The following RNF17 variants were observed in gnomAD, a reference collection of about 807,000 sequenced individuals.
RNF17 encodes spermatogenesis associated 23.
Under a neutral mutation model 200.5 loss-of-function variants are expected in RNF17, and 31 were observed. The observed-to-expected ratio is 0.15, with a 90% confidence interval of 0.12 to 0.21. RNF17 has a LOEUF of 0.21. Among genes scored for constraint, RNF17 ranks in the 10% least tolerant of loss-of-function variants. RNF17 has a pLI of 1.00. For synonymous variants in RNF17, 606 were observed against 637.8 expected (o/e 0.95, Z 0.75); for missense variants, 1,628 against 1,905.1 (o/e 0.85, Z 2.71).
intron 11 of RNF17, among the ~76,000 whole-genome samples, chr13:24,798,943 T>C (rs1884927637): frequency 1.3e-5 from 2 of 152,190 alleles, no homozygotes; most frequent in Non-Finnish European, 2.9e-5. Context: ...CACTCCCCTT[T>C]ACAAAGAGAA....
chr13:24,794,033 C>T (rs886681159), intron 10 of RNF17: 1 of 333,770 alleles, frequency 3.0e-6, no homozygotes, highest in Non-Finnish European at 5.8e-6. Context: ...TAACTTTATT[C>T]ATTGATACAA....
intron 16 of RNF17, among the ~76,000 whole-genome samples, chr13:24,827,227 C>T (rs1349630671): frequency 2.6e-5 from 4 of 151,936 alleles, no homozygotes; most frequent in South Asian, 4.2e-4. Context: ...GCCACTGTGC[C>T]GGGCAATTTT....
chr13:24,868,936 T>C (rs1893964706), intron 31 of RNF17, among the ~76,000 whole-genome samples: 1 of 152,236 alleles, frequency 6.6e-6, no homozygotes, highest in Non-Finnish European at 1.5e-5. Context: ...GTTGTGCTGC[T>C]TTATTCAATG....
chr13:24,800,196 A>G (rs969776261), intron 12 of RNF17, among the ~76,000 whole-genome samples, 170 bp from the exon 13 acceptor site: 13 of 152,096 alleles, frequency 8.5e-5, no homozygotes, highest in South Asian at 4.1e-4. Flanking sequence ...GTCTCTGCTT[A>G]TAAAAGCTAA....
chr13:24,835,265 T>C (rs1389461747), intron 18 of RNF17, among the ~76,000 whole-genome samples: 1 of 151,882 alleles, frequency 6.6e-6, no homozygotes, highest in Non-Finnish European at 1.5e-5. Flanking sequence ...AGAAAGGGCA[T>C]ATTATCTTGT....
At chr13:24,856,574 A>T (rs1892529828) in intron 25 of RNF17, among the ~76,000 whole-genome samples, 1 of 151,926 alleles carries the variant, frequency 6.6e-6, no homozygotes, top group Non-Finnish European at 1.5e-5. Flanking sequence ...AAGAGATCCA[A>T]TTTTTTTTAT....
downstream of RNF17, chr13:24,884,275 T>C (rs376935560): frequency 1.9e-6 from 3 of 1,613,986 alleles, no homozygotes; most frequent in African/African-American, 4.0e-5. Context: ...GTCTGCCTTT[T>C]CTCCAGAGAT....
chr13:24,753,549 T>C, the RNF17 span, among the ~76,000 whole-genome samples: 37 of 152,144 alleles, frequency 2.4e-4, no homozygotes, highest in Admixed American at 6.5e-4. Context: ...GGCAAGGAGT[T>C]GAGGAAGAGA....
intron 11 of RNF17, among the ~76,000 whole-genome samples, chr13:24,797,496 ATC>A (rs1199841893): frequency 6.6e-6 from 1 of 152,168 alleles, no homozygotes; most frequent in African/African-American, 2.4e-5. Context: ...AAATAACATT[ATC>A]TCATTATAAT....
intron 17 of RNF17, among the ~76,000 whole-genome samples, chr13:24,830,886 T>C (rs1889312425): frequency 6.6e-6 from 1 of 152,240 alleles, no homozygotes; most frequent in African/African-American, 2.4e-5. Flanking sequence ...ACGTTCATGA[T>C]ATATCAAGTT....
chr13:24,779,973 T>A (rs1882126643), intron 5 of RNF17, among the ~76,000 whole-genome samples: 2 of 152,230 alleles, frequency 1.3e-5, no homozygotes, highest in South Asian at 4.1e-4. Flanking sequence ...GAACCATGAC[T>A]TCTCCTTGCT....
intron 34 of RNF17, 94 bp from the exon 35 acceptor site, chr13:24,879,093 C>A: frequency 2.3e-6 from 2 of 854,278 alleles, no homozygotes; most frequent in South Asian, 1.5e-5. Context: ...CCCCTGAGAA[C>A]ACCTTTTCAC....
At chr13:24,873,316 G>T (rs747808348) in intron 32 of RNF17, among the ~76,000 whole-genome samples, 11 of 152,100 alleles carry the variant, frequency 7.2e-5, no homozygotes, top group Non-Finnish European at 1.3e-4. Flanking sequence ...GTGAACAAAG[G>T]CTTATAAAAT....
chr13:24,842,267 C>A, intron 19 of RNF17, 106 bp downstream of exon 19: 1 of 949,254 alleles, frequency 1.1e-6, no homozygotes, highest in Non-Finnish European at 1.5e-6. Context: ...TGAGCTTAGA[C>A]TGTAGACCTG....
chr13:24,864,354 A>G (rs1479669887), intron 28 of RNF17, among the ~76,000 whole-genome samples: 1 of 152,208 alleles, frequency 6.6e-6, no homozygotes, highest in East Asian at 1.9e-4. Context: ...CAAAGGTGGG[A>G]TCAGTGGAAA....
chr13:24,768,059 C>T (rs939031559), intron 2 of RNF17, among the ~76,000 whole-genome samples: 5 of 152,046 alleles, frequency 3.3e-5, no homozygotes, highest in African/African-American at 1.2e-4. Flanking sequence ...TGTGTGTCAT[C>T]AAATGTACAT....
At chr13:24,874,025 C>A in intron 32 of RNF17, 89 bp from the exon 33 acceptor site, 2 of 1,314,736 alleles carry the variant, frequency 1.5e-6, no homozygotes, top group Non-Finnish European at 2.1e-6. Context: ...ACATGGGGTA[C>A]AAGTAGCCCT....
intron 22 of RNF17, among the ~76,000 whole-genome samples, chr13:24,846,576 T>C (rs1891278571): frequency 6.6e-6 from 1 of 152,208 alleles, no homozygotes; most frequent in Non-Finnish European, 1.5e-5. Flanking sequence ...CCAAATCACT[T>C]GGGGTAGCTT....
At chr13:24,777,582 G>A (rs1881743332) in intron 3 of RNF17, among the ~76,000 whole-genome samples, 1 of 152,134 alleles carries the variant, frequency 6.6e-6, no homozygotes, top group Non-Finnish European at 1.5e-5. Context: ...AACTTGCTTA[G>A]TTAAATTCAT....
Sources: allele counts gnomAD v4.1 joint callset (sites outside exome capture counted in the v4.1 genomes callset), GRCh38; gene constraint gnomAD v4.1.1; transcripts MANE v1.5; gene names NCBI Gene and HGNC (gene_info 2026-07-23, HGNC 2026-07-21).